Variants in XKR4 observed in about 807,000 individuals in gnomAD.
XKR4 encodes the protein XK-related protein 4.
In XKR4, 12 loss-of-function variants were observed where a neutral mutation model predicts 53.9. That is an observed-to-expected ratio of 0.22 (90% CI 0.14 to 0.36). The LOEUF is 0.36. Ranked by LOEUF, XKR4 falls within the 10% of genes least tolerant of loss-of-function variation. The pLI is 1.00. For synonymous variants in XKR4, 354 were observed against 362.4 expected, an observed-to-expected ratio of 0.98 and a Z score of 0.26; for missense variants, 799 against 859.5, an observed-to-expected ratio of 0.93 and a Z score of 0.88.
At chr8:55,135,212 T>G (rs1302343783) in intron 1 of XKR4, 1 of 157,178 alleles carries the variant, frequency 6.4e-6, no homozygotes, top group Non-Finnish European at 1.4e-5. Context: ...ACCACCCTAA[T>G]ATATACAAAT....
chr8:55,479,678 G>C (rs1372558612), intron 2 of XKR4, among the ~76,000 whole-genome samples: 1 of 152,020 alleles, frequency 6.6e-6, no homozygotes, highest in Admixed American at 6.5e-5. Flanking sequence ...AGAAAAGAGA[G>C]AAGAATCAAA....
Position 55,540,431 on chromosome 8 carries a change from A to T in XKR4, c.*16204A>T, listed in dbSNP as rs1471049527. 2 of 152,284 alleles carry T rather than the reference A, an allele frequency of 1.3e-5. No homozygotes were observed. The highest frequency in any genetic ancestry group is 4.1e-4 in the South Asian group (2 of 4,824). 9.4% of individuals were successfully genotyped at this position (152,284 alleles called of 1,614,324 possible). ...GTATCAAATAAGAAAAAAATGCATC[A>T]TTTGGTCAATTGCTTATTGAAGATC... On this transcript the variant is annotated 3_prime_UTR_variant, in exon 3 of 3. Transcript: ENST00000327381.
rs11313216 is a variant in XKR4, at chr8:55,532,796, C to CAAAAAAA, written c.*8587_*8593dup. On this transcript the variant is annotated 3_prime_UTR_variant, in exon 3 of 3. Transcript: ENST00000327381. ...TGGGTGACAGAGCAAGACTCCGTCT[C>CAAAAAAA]AAAAAAAAAAAAAAAAAAAAAAAAG... 3 of 70,948 alleles carry CAAAAAAA rather than the reference C, an allele frequency of 4.2e-5. No individual in the cohort carries two copies. Among genetic ancestry groups the CAAAAAAA allele is most frequent in the African/African-American group, 5.4e-5 (1 of 18,684 alleles). The allele number at this position is 70,948 out of a possible 1,614,324, so 4.4% of individuals were successfully genotyped here.
At chr8:55,226,909 C>G (rs943376089) in intron 1 of XKR4, among the ~76,000 whole-genome samples, 13 of 152,164 alleles carry the variant, frequency 8.5e-5, no homozygotes, top group African/African-American at 3.1e-4. Context: ...AAGTCAGGAG[C>G]CTGAGCAAAA....
chr8:55,245,315 C>T (rs1484683477), intron 1 of XKR4, among the ~76,000 whole-genome samples: 1 of 152,142 alleles, frequency 6.6e-6, no homozygotes, highest in Non-Finnish European at 1.5e-5. Flanking sequence ...AAAATTTTCT[C>T]ACATTCTGTA....
intron 1 of XKR4, among the ~76,000 whole-genome samples, chr8:55,133,875 C>T (rs1419563595): frequency 2.0e-5 from 3 of 152,112 alleles, no homozygotes; most frequent in Non-Finnish European, 4.4e-5. Context: ...TTTTGACATT[C>T]TGGGAAATAC....
chr8:55,451,770 G>A (rs1375943399), intron 2 of XKR4: 1 of 1,084,318 alleles, frequency 9.2e-7, no homozygotes, highest in Non-Finnish European at 1.4e-6. Flanking sequence ...GGCTGCTCAG[G>A]GGGCCCAGGC....
chr8:55,504,231 G>GTTTA (rs1806491009), intron 2 of XKR4, among the ~76,000 whole-genome samples: 4 of 116,404 alleles, frequency 3.4e-5, no homozygotes, highest in Non-Finnish European at 5.8e-5. Context: ...TGTTTTGTTT[G>GTTTA]AGACAGAGTC....
intron 1 of XKR4, among the ~76,000 whole-genome samples, chr8:55,162,149 C>T (rs1039573959): frequency 6.6e-6 from 1 of 152,168 alleles, no homozygotes; most frequent in African/African-American, 2.4e-5. Flanking sequence ...TTTTCCTCTC[C>T]ACTCCTGGAG....
At chr8:55,435,326 C>CA (rs1417992576) in intron 2 of XKR4, among the ~76,000 whole-genome samples, 2 of 151,910 alleles carry the variant, frequency 1.3e-5, no homozygotes, top group African/African-American at 2.4e-5. Context: ...GAATTGAGTA[C>CA]AATGAAGGAA....
chr8:55,105,089 CTG>C (rs748573101), intron 1 of XKR4, among the ~76,000 whole-genome samples: 1 of 152,124 alleles, frequency 6.6e-6, no homozygotes, highest in Non-Finnish European at 1.5e-5. Context: ...AACTGAAAAA[CTG>C]TAATTTTTTT....
At chr8:55,332,064 T>C (rs1434278632) in intron 1 of XKR4, among the ~76,000 whole-genome samples, 1 of 152,152 alleles carries the variant, frequency 6.6e-6, no homozygotes, top group Non-Finnish European at 1.5e-5. Context: ...TTTTTTGTGG[T>C]GACATGTTTT....
chr8:55,285,765 C>T (rs1177256006), intron 1 of XKR4, among the ~76,000 whole-genome samples: 2 of 152,150 alleles, frequency 1.3e-5, no homozygotes, highest in African/African-American at 4.8e-5. Flanking sequence ...CTTTGTCTGG[C>T]TCAGTCAGTC....
At chr8:55,506,538 A>G (rs527348523) in intron 2 of XKR4, among the ~76,000 whole-genome samples, 1 of 152,306 alleles carries the variant, frequency 6.6e-6, no homozygotes, top group Non-Finnish European at 1.5e-5. Flanking sequence ...CCCATCTTCC[A>G]CCTTGCACCA....
chr8:55,103,625 G>C (rs1816091211), intron 1 of XKR4, among the ~76,000 whole-genome samples: 1 of 151,738 alleles, frequency 6.6e-6, no homozygotes, highest in African/African-American at 2.4e-5. Context: ...TATTGTTTCA[G>C]TGAGTAGGAG....
chr8:55,111,683 A>G lies in XKR4; in HGVS notation c.806+8389A>G, dbSNP rs1359732092. ...CCGTGTCACTGATTCTAAGATATATACCATATAGACTGGAGAAGCCAAAAT... is the reference window on the plus strand; with the variant it reads ...CCGTGTCACTGATTCTAAGATATATGCCATATAGACTGGAGAAGCCAAAAT... On this transcript the variant is annotated intron_variant, in intron 1 of 2. Transcript: ENST00000327381. 1.3e-5 allele frequency among the ~76,000 whole-genome samples: 2 copies of G among 152,212 alleles called. 1 individual carries two copies. The highest frequency in any genetic ancestry group is 3.9e-4 in the East Asian group (2 of 5,194).
At chr8:55,311,215 A>G (rs1426767854) in intron 1 of XKR4, among the ~76,000 whole-genome samples, 4 of 152,218 alleles carry the variant, frequency 2.6e-5, no homozygotes, top group African/African-American at 9.6e-5. Flanking sequence ...AGCATATGCA[A>G]GCTCTCAGAG....
At chr8:55,418,964 G>A (rs1330362192) in intron 2 of XKR4, among the ~76,000 whole-genome samples, 2 of 151,620 alleles carry the variant, frequency 1.3e-5, no homozygotes, top group Non-Finnish European at 2.9e-5. Flanking sequence ...ATTATTGACT[G>A]TATTTCCCAG....
intron 2 of XKR4, among the ~76,000 whole-genome samples, chr8:55,438,461 G>A (rs1254782960): frequency 6.6e-6 from 1 of 151,764 alleles, no homozygotes. Context: ...GTGGTGGTGA[G>A]CACCTGTAAT....
Sources: allele counts gnomAD v4.1 joint callset (sites outside exome capture counted in the v4.1 genomes callset), GRCh38; gene constraint gnomAD v4.1.1; transcripts MANE v1.5; gene names NCBI Gene and HGNC (gene_info 2026-07-23, HGNC 2026-07-21).